NCKAP5: variants seen among roughly 807,000 people sequenced by gnomAD.
The protein encoded by NCKAP5 is NCK associated protein 5.
In NCKAP5, 92 loss-of-function variants were observed where a neutral mutation model predicts 167.0. The ratio of observed to expected loss-of-function variants is 0.55; its 90% CI spans 0.47 to 0.66. The LOEUF is 0.66. NCKAP5 is among the 30% of genes least tolerant of loss of function. The pLI, the probability that NCKAP5 is intolerant of heterozygous loss-of-function variation, is 0.00. For missense variants in NCKAP5, 2,378 were observed against 2,315.0 expected (o/e 1.03, Z -0.56); for synonymous variants, 891 against 877.4 (o/e 1.02, Z -0.27).
intron 3 of NCKAP5, among the ~76,000 whole-genome samples, chr2:133,319,011 G>C (rs1681824111): frequency 6.6e-6 from 1 of 152,052 alleles, no homozygotes; most frequent in African/African-American, 2.4e-5. Flanking sequence ...CTGAACTCTG[G>C]GGGTGGAGGG....
chr2:133,252,525 T>G (rs139706121), intron 4 of NCKAP5, among the ~76,000 whole-genome samples: 1 of 152,170 alleles, frequency 6.6e-6, no homozygotes, highest in Non-Finnish European at 1.5e-5. Flanking sequence ...GACTGTCAGA[T>G]CAGACCACGA....
intron 8 of NCKAP5, among the ~76,000 whole-genome samples, chr2:132,885,998 T>A (rs1435886226): frequency 1.3e-5 from 2 of 151,812 alleles, no homozygotes; most frequent in Non-Finnish European, 2.9e-5. Flanking sequence ...ATCTCAAGAG[T>A]CAGGCTCAGC....
At chr2:133,593,934 C>T in the NCKAP5 span, among the ~76,000 whole-genome samples, 904 of 152,318 alleles carry the variant, frequency 5.9e-3, 29 homozygotes, top group Admixed American at 0.052. Flanking sequence ...CACAGACCCT[C>T]TAGGCAGGTC....
At chr2:133,522,085 T>C (rs976074464) in intron 2 of NCKAP5, among the ~76,000 whole-genome samples, 1 of 152,194 alleles carries the variant, frequency 6.6e-6, no homozygotes, top group Admixed American at 6.5e-5. Flanking sequence ...TGTGTTAATG[T>C]TGAATTCTGC....
chr2:133,088,485 C>G (rs556821536), intron 6 of NCKAP5, among the ~76,000 whole-genome samples: 1 of 152,138 alleles, frequency 6.6e-6, no homozygotes, highest in Non-Finnish European at 1.5e-5. Flanking sequence ...CCTGCCCTCT[C>G]TTAATTCTCC....
At chr2:132,801,793 G>T (rs1296646057) in intron 11 of NCKAP5, among the ~76,000 whole-genome samples, 1 of 152,198 alleles carries the variant, frequency 6.6e-6, no homozygotes, top group Admixed American at 6.5e-5. Context: ...TCAAGGCAGA[G>T]AAATGTCCCC....
chr2:133,230,789 T>C (rs924937630), intron 4 of NCKAP5, among the ~76,000 whole-genome samples: 1 of 152,198 alleles, frequency 6.6e-6, no homozygotes, highest in Non-Finnish European at 1.5e-5. Flanking sequence ...TAGTTTCCCA[T>C]ATGTAGGAGG....
At chr2:132,863,014 G>A (rs1191557244) in intron 10 of NCKAP5, among the ~76,000 whole-genome samples, 1 of 151,918 alleles carries the variant, frequency 6.6e-6, no homozygotes, top group Non-Finnish European at 1.5e-5. Context: ...TAGAGACAGG[G>A]TTTCACCATA....
At chr2:133,414,077 G>A (rs748702967) in intron 3 of NCKAP5, among the ~76,000 whole-genome samples, 1 of 152,122 alleles carries the variant, frequency 6.6e-6, no homozygotes. Context: ...AACCACTTAG[G>A]ATGGGTTCCA....
intron 3 of NCKAP5, among the ~76,000 whole-genome samples, chr2:133,418,911 T>C (rs1392016756): frequency 6.6e-6 from 1 of 152,186 alleles, no homozygotes; most frequent in Non-Finnish European, 1.5e-5. Context: ...CGAGGGCATA[T>C]TGAGTCACAA....
intron 3 of NCKAP5, among the ~76,000 whole-genome samples, chr2:133,480,991 T>G (rs1429922101): frequency 6.6e-6 from 1 of 152,186 alleles, no homozygotes; most frequent in East Asian, 1.9e-4. Flanking sequence ...TGTCCATTTC[T>G]GTTTCTTGCC....
intron 6 of NCKAP5, among the ~76,000 whole-genome samples, chr2:133,060,069 G>A (rs1033873491): frequency 3.9e-5 from 6 of 152,158 alleles, no homozygotes; most frequent in Non-Finnish European, 7.4e-5. Context: ...GGGATGCCAA[G>A]CTTAAGATAA....
At chr2:133,056,770 C>T (rs2079816823) in intron 6 of NCKAP5, among the ~76,000 whole-genome samples, 1 of 152,194 alleles carries the variant, frequency 6.6e-6, no homozygotes, top group East Asian at 1.9e-4. Flanking sequence ...TTTTTGAAGA[C>T]AGATCATTCA....
chr2:132,911,341 C>T (rs996905857), intron 8 of NCKAP5: 1 of 152,164 alleles, frequency 6.6e-6, no homozygotes, highest in Non-Finnish European at 1.5e-5. Flanking sequence ...CAGTGTCCAG[C>T]TAGGAAATCA....
intron 3 of NCKAP5, among the ~76,000 whole-genome samples, chr2:133,322,774 G>A (rs1249066961): frequency 6.6e-6 from 1 of 152,168 alleles, no homozygotes. Context: ...ATGAAGAGAT[G>A]GGGCCAGATC....
chr2:133,055,979 GAAT>G (rs2149498245), intron 6 of NCKAP5, among the ~76,000 whole-genome samples: 1 of 152,230 alleles, frequency 6.6e-6, no homozygotes, highest in African/African-American at 2.4e-5. Context: ...GTTATTAAAA[GAAT>G]ATTACAAGAG....
At position 132,785,596 on chromosome 2, in the gene NCKAP5, T is replaced by C; in HGVS notation, c.1215A>G (p.Leu405=). 6.3e-7 allele frequency: 1 copy of C among 1,580,904 alleles called. No homozygotes were observed. Among genetic ancestry groups the C allele is most frequent in the Non-Finnish European group, 8.6e-7 (1 of 1,165,704 alleles). The change falls in exon 14 of 20, where the codon CTA becomes CTG. Residue 405 remains leucine, a synonymous_variant. Transcript: ENST00000409261. ...ACACTTTTCGCTTCTGTAGCTTTCT[T>C]AGCCCTTCCAAAATGTGGCTTTCCT... ...RIKESHILEG[L]RKLQKRKVLL...
intron 7 of NCKAP5, among the ~76,000 whole-genome samples, chr2:132,988,955 C>T (rs772168998): frequency 2.6e-5 from 4 of 152,272 alleles, no homozygotes; most frequent in Middle Eastern, 3.4e-3. Flanking sequence ...TCTTGGTAGT[C>T]GCAGAAGCTG....
intron 8 of NCKAP5, among the ~76,000 whole-genome samples, chr2:132,918,957 A>G (rs1209954947): frequency 2.0e-5 from 3 of 152,214 alleles, no homozygotes; most frequent in East Asian, 1.9e-4. Context: ...GATATTCCCA[A>G]TTCATCTGGA....
Sources: allele counts gnomAD v4.1 joint callset (sites outside exome capture counted in the v4.1 genomes callset), GRCh38; gene constraint gnomAD v4.1.1; transcripts MANE v1.5; gene names NCBI Gene and HGNC (gene_info 2026-07-23, HGNC 2026-07-21).